Variants in FHIT observed in about 807,000 individuals in gnomAD.
FHIT encodes the protein bis(5'-adenosyl)-triphosphatase.
In FHIT, 19 loss-of-function variants were observed where a neutral mutation model predicts 17.9. The observed-to-expected ratio is 1.06, with a 90% CI of 0.74 to 1.56. FHIT has a LOEUF of 1.56. Ranked by LOEUF, FHIT falls within the 40% of genes most tolerant of loss-of-function variation. The probability of loss-of-function intolerance (pLI) is 0.00; values close to 1 mark genes in which losing one functional copy is unlikely to be tolerated. For missense variants in FHIT, 248 were observed against 189.2 expected (o/e 1.31, Z -1.82); for synonymous variants, 81 against 69.7 (o/e 1.16, Z -0.81).
intron 3 of FHIT, among the ~76,000 whole-genome samples, chr3:60,945,005 T>C (rs1228217978): frequency 6.6e-6 from 1 of 152,048 alleles, no homozygotes; most frequent in Admixed American, 6.5e-5. Flanking sequence ...AAGATGAACA[T>C]GAATTTATAA....
At chr3:60,219,724 C>T (rs1703872405) in intron 5 of FHIT, among the ~76,000 whole-genome samples, 1 of 152,046 alleles carries the variant, frequency 6.6e-6, no homozygotes. Flanking sequence ...CTTTGTTCTC[C>T]TCACTCCATT....
At chr3:59,809,845 T>G (rs75871341) in intron 8 of FHIT, among the ~76,000 whole-genome samples, 2 of 152,150 alleles carry the variant, frequency 1.3e-5, no homozygotes, top group South Asian at 4.1e-4. Context: ...TCCTCCTTTG[T>G]TCCCCGCTCT....
intron 8 of FHIT, among the ~76,000 whole-genome samples, chr3:59,776,409 G>T (rs112433729): frequency 6.6e-6 from 1 of 152,204 alleles, no homozygotes; most frequent in African/African-American, 2.4e-5. Context: ...TGGCAAGACA[G>T]GCCCATGACT....
At chr3:60,334,974 T>C (rs1001764707) in intron 5 of FHIT, among the ~76,000 whole-genome samples, 2 of 152,222 alleles carry the variant, frequency 1.3e-5, no homozygotes, top group African/African-American at 2.4e-5. Context: ...AATAGTCCCA[T>C]ACAATGTACC....
chr3:59,847,600 T>C (rs1290186722), intron 8 of FHIT, among the ~76,000 whole-genome samples: 2 of 152,206 alleles, frequency 1.3e-5, no homozygotes, highest in Admixed American at 6.5e-5. Flanking sequence ...CATTGGTTTA[T>C]TTATTTATTT....
intron 3 of FHIT, among the ~76,000 whole-genome samples, chr3:61,014,807 A>AAAATAT (rs1553798839): frequency 2.2e-4 from 11 of 49,118 alleles, no homozygotes; most frequent in African/African-American, 5.9e-4. Flanking sequence ...AAAAAAAAAA[A>AAAATAT]ATATATATAT....
chr3:60,117,230 A>G (rs1409672667), intron 5 of FHIT, among the ~76,000 whole-genome samples: 1 of 149,872 alleles, frequency 6.7e-6, no homozygotes, highest in East Asian at 1.9e-4. Flanking sequence ...TGGGAGCCCT[A>G]CAAGCCGAAG....
At chr3:60,196,755 A>G (rs1702660082) in intron 5 of FHIT, among the ~76,000 whole-genome samples, 1 of 152,100 alleles carries the variant, frequency 6.6e-6, no homozygotes, top group Non-Finnish European at 1.5e-5. Context: ...ACATGCACAC[A>G]CATATCCATT....
intron 5 of FHIT, among the ~76,000 whole-genome samples, chr3:60,156,176 AC>A (rs1429302917): frequency 6.6e-6 from 1 of 151,682 alleles, no homozygotes; most frequent in Admixed American, 6.6e-5. Context: ...ACATGGTGAA[AC>A]CCCTTCTCTA....
At chr3:60,793,364 A>C (rs73107613) in intron 4 of FHIT, among the ~76,000 whole-genome samples, 7,508 of 151,734 alleles carry the variant, frequency 0.049, 193 homozygotes, top group South Asian at 0.066. Context: ...TGCAGTGGGC[A>C]AGATCTCAGC....
At chr3:61,250,650 C>T (rs917751719) in intron 1 of FHIT, among the ~76,000 whole-genome samples, 2 of 151,774 alleles carry the variant, frequency 1.3e-5, no homozygotes, top group African/African-American at 2.4e-5. Context: ...CCTCCTTACC[C>T]CCCACCACCA....
At chr3:60,132,606 T>C (rs1479291164) in intron 5 of FHIT, among the ~76,000 whole-genome samples, 2 of 152,160 alleles carry the variant, frequency 1.3e-5, no homozygotes, top group Non-Finnish European at 2.9e-5. Flanking sequence ...CAAAAGTTAA[T>C]AAATGGGTGA....
At chr3:60,921,650 T>C (rs1553768397) in intron 3 of FHIT, among the ~76,000 whole-genome samples, 1 of 152,222 alleles carries the variant, frequency 6.6e-6, no homozygotes, top group African/African-American at 2.4e-5. Context: ...CCATGAATTA[T>C]CCAGTTGATC....
At chr3:59,791,796 A>T (rs1271353036) in intron 8 of FHIT, among the ~76,000 whole-genome samples, 1 of 152,176 alleles carries the variant, frequency 6.6e-6, no homozygotes, top group Admixed American at 6.5e-5. Context: ...AATAAGGGCT[A>T]TGTATCTTTT....
At chr3:60,822,761 C>T (rs1701971265) in intron 3 of FHIT, among the ~76,000 whole-genome samples, 1 of 152,074 alleles carries the variant, frequency 6.6e-6, no homozygotes, top group East Asian at 1.9e-4. Flanking sequence ...GTGAAAGCCC[C>T]ATGACCCACC....
At chr3:60,666,244 T>G (rs2040379426) in intron 4 of FHIT, among the ~76,000 whole-genome samples, 1 of 152,196 alleles carries the variant, frequency 6.6e-6, no homozygotes, top group Non-Finnish European at 1.5e-5. Flanking sequence ...TCCTTTCTGT[T>G]TAAAGAACTT....
At chr3:61,083,106 C>G (rs1216005068) in intron 2 of FHIT, among the ~76,000 whole-genome samples, 1 of 152,152 alleles carries the variant, frequency 6.6e-6, no homozygotes, top group East Asian at 1.9e-4. Flanking sequence ...CATAAACTTT[C>G]CATTTTGATG....
intron 5 of FHIT, among the ~76,000 whole-genome samples, chr3:60,319,530 G>C (rs1292943084): frequency 2.0e-5 from 3 of 152,120 alleles, no homozygotes; most frequent in Non-Finnish European, 4.4e-5. Context: ...AAAGGGCAGA[G>C]ACATTGATTC....
At chr3:59,826,204 G>A (rs1230697276) in intron 8 of FHIT, among the ~76,000 whole-genome samples, 1 of 152,096 alleles carries the variant, frequency 6.6e-6, no homozygotes, top group Non-Finnish European at 1.5e-5. Context: ...TGCAGCCTTG[G>A]CCTCTGGGGC....
Sources: allele counts gnomAD v4.1 joint callset (sites outside exome capture counted in the v4.1 genomes callset), GRCh38; gene constraint gnomAD v4.1.1; transcripts MANE v1.5; gene names NCBI Gene and HGNC (gene_info 2026-07-23, HGNC 2026-07-21).